Variants in BCAS3 observed in about 807,000 individuals in gnomAD.
The protein encoded by BCAS3 is BCAS3 microtubule associated cell migration factor.
BCAS3 carries 53 observed loss-of-function variants against 116.1 expected under a neutral mutation model. The ratio of observed to expected loss-of-function variants is 0.46; its 90% CI spans 0.37 to 0.57. BCAS3 has a LOEUF of 0.57. Among genes scored for constraint, BCAS3 ranks in the 20% least tolerant of loss-of-function variants. The probability of loss-of-function intolerance (pLI) is 0.00; values close to 1 mark genes in which losing one functional copy is unlikely to be tolerated. For synonymous variants in BCAS3, 391 were observed against 408.2 expected, an observed-to-expected ratio of 0.96 and a Z score of 0.51; for missense variants, 917 against 1,165.4, an observed-to-expected ratio of 0.79 and a Z score of 3.10.
intron 7 of BCAS3, among the ~76,000 whole-genome samples, chr17:60,857,226 G>A (rs1014061039): frequency 6.6e-6 from 1 of 152,112 alleles, no homozygotes; most frequent in African/African-American, 2.4e-5. Context: ...ACAAATTACA[G>A]ATTTTTAAAG....
At chr17:61,049,758 G>A (rs1275091251) in intron 19 of BCAS3, among the ~76,000 whole-genome samples, 2 of 131,996 alleles carry the variant, frequency 1.5e-5, no homozygotes, top group East Asian at 4.2e-4. Flanking sequence ...TTGAGACGGA[G>A]TTTCACTCTT....
rs1350245305 is a variant in BCAS3, at chr17:61,375,608, C to CA, written c.2593+7115dup. Among the ~76,000 whole-genome samples the CA allele has an allele frequency of 2.8e-5, 4 of 145,228 alleles. No individual in the cohort carries two copies. The South Asian group carries it at 8.7e-4, about 32-fold the overall frequency. Reference sequence around the variant, plus strand: ...TTTTTGAGATGGAGTCTCACTCTGTCACCCAGACTAGAGTGCAATGGCACA... The same window carrying CA: ...TTTTTGAGATGGAGTCTCACTCTGTCAACCCAGACTAGAGTGCAATGGCACA... On this transcript the variant is annotated intron_variant, in intron 23 of 23. Coordinates refer to ENST00000407086, the MANE Select transcript of BCAS3 (RefSeq NM_017679.5).
intron 10 of BCAS3, among the ~76,000 whole-genome samples, chr17:60,893,522 A>G (rs1489679108): frequency 2.0e-5 from 3 of 150,646 alleles, no homozygotes; most frequent in Non-Finnish European, 3.0e-5. Context: ...ATTTTTGTCA[A>G]CTTTGTTAAC....
intron 9 of BCAS3, among the ~76,000 whole-genome samples, chr17:60,882,529 T>C (rs1303891798): frequency 6.6e-6 from 1 of 152,222 alleles, no homozygotes; most frequent in Admixed American, 6.5e-5. Flanking sequence ...GCCTATGTCC[T>C]GAATGGTCAT....
intron 6 of BCAS3, among the ~76,000 whole-genome samples, chr17:60,787,702 G>A (rs940143125): frequency 1.3e-5 from 2 of 152,118 alleles, no homozygotes; most frequent in Non-Finnish European, 2.9e-5. Flanking sequence ...AGATACTTTA[G>A]TAAAGACCCA....
Position 60,990,208 on chromosome 17 carries a change from A to C in BCAS3, c.1459A>C (p.Ser487Arg). The stretch of plus-strand genomic sequence containing the variant: ...CTGTAGCCCTGTTCCAGGTCTATCA[A>C]GCAGCCCTTCTGGGTCACCCTTGCA... ...GRCSPVPGLS[S>R]SPSGSPLHGK... Residue 487 changes from serine to arginine, a missense_variant, in exon 15 of 24, where the codon AGC (serine) becomes CGC (arginine). Physicochemically the swap from Ser to Arg is moderately radical, Grantham distance 110. This residue lies in a region of BCAS3 where 807 missense variants were observed against 1,026.0 expected (regional missense o/e 0.79). Transcript: ENST00000407086. The surrounding 1 kb of genome is among the most constrained non-coding windows in gnomAD (Gnocchi z 5.1). 1 of 1,614,162 alleles carries C rather than the reference A, an allele frequency of 6.2e-7. No individual in the cohort carries two copies. The highest frequency in any genetic ancestry group is 1.1e-5 in the South Asian group (1 of 91,080).
intron 7 of BCAS3, chr17:60,811,109 A>G: frequency 1.6e-6 from 1 of 632,132 alleles, no homozygotes; most frequent in Non-Finnish European, 2.9e-6. Context: ...TGCATGAGAA[A>G]TCTGAAGGCC....
At chr17:61,050,547 A>G (rs893782563) in intron 19 of BCAS3, among the ~76,000 whole-genome samples, 65 of 152,106 alleles carry the variant, frequency 4.3e-4, no homozygotes, top group African/African-American at 1.5e-3. Flanking sequence ...AAAGATGTAC[A>G]TAATGAACTC....
chr17:61,272,431 G>A (rs1194371468), intron 22 of BCAS3, among the ~76,000 whole-genome samples: 4 of 151,562 alleles, frequency 2.6e-5, no homozygotes, highest in African/African-American at 7.3e-5. Flanking sequence ...TCAGGAGCTC[G>A]AGACCATCCT....
At position 61,145,022 on chromosome 17, in the gene BCAS3, G is replaced by A. The variant is rs994917422; in HGVS notation, c.2425+60458G>A. 2.0e-5 allele frequency among the ~76,000 whole-genome samples: 3 copies of A among 152,104 alleles called. No individual in the cohort carries two copies. The highest frequency in any genetic ancestry group is 7.2e-5 in the African/African-American group (3 of 41,416). On this transcript the variant is annotated intron_variant, in intron 22 of 23. Transcript: ENST00000407086. The surrounding 1 kb of genome is among the most constrained non-coding windows in gnomAD (Gnocchi z 5.0). ...AATATTCATTTAGACCATAACAACT[G>A]TTAGAACAAGATAACAACTCCAGGC...
rs923033137 is a variant in BCAS3 at position 61,019,699 on chromosome 17, T to G, written c.1637+3798T>G. Among the ~76,000 whole-genome samples the G allele has an allele frequency of 6.6e-6, 1 of 152,174 alleles. No individual in the cohort carries two copies. The highest frequency in any genetic ancestry group is 2.4e-5 in the African/African-American group (1 of 41,456). ...CTATATTTATTTTATTAAATTTTTT[T>G]TACTATGACAAATTCTTAAGACTGG... On this transcript the variant is annotated intron_variant, in intron 16 of 23. Coordinates refer to ENST00000407086, the MANE Select transcript of BCAS3 (RefSeq NM_017679.5). This position sits in a 1 kb window ranked among gnomAD's most constrained non-coding sequence, Gnocchi z 5.6.
intron 6 of BCAS3, among the ~76,000 whole-genome samples, chr17:60,803,692 A>G (rs535815800): frequency 3.3e-5 from 5 of 152,022 alleles, no homozygotes; most frequent in South Asian, 2.1e-4. Context: ...GGGGAAATTT[A>G]TATATTCACA....
chr17:60,944,624 T>G (rs1567930983), intron 13 of BCAS3, among the ~76,000 whole-genome samples: 1 of 152,048 alleles, frequency 6.6e-6, no homozygotes, highest in African/African-American at 2.4e-5. Context: ...AAGAAAATAT[T>G]CAAGAAAATA....
At position 61,330,744 on chromosome 17, in the gene BCAS3, C is replaced by T. The variant is rs374416513; in HGVS notation, c.2426-37583C>T. On this transcript the variant is annotated intron_variant, in intron 22 of 23. Transcript: ENST00000407086. ...GCACAGAGGACTCCGGCAGCAATGG[C>T]CAGGGAATGAGGAGACCCGAGTTCT... Among the ~76,000 whole-genome samples, 3 of 152,192 alleles carry T rather than the reference C, an allele frequency of 2.0e-5. No homozygotes were observed. In the East Asian group the frequency reaches 5.8e-4, roughly 29 times the overall value.
chr17:61,269,280 A>G (rs1239292389), intron 22 of BCAS3, among the ~76,000 whole-genome samples: 1 of 151,660 alleles, frequency 6.6e-6, no homozygotes, highest in Non-Finnish European at 1.5e-5. Context: ...ACACCTGGCT[A>G]ATTTTGTGTT....
intron 6 of BCAS3, among the ~76,000 whole-genome samples, chr17:60,796,147 A>G (rs2047197688): frequency 6.6e-6 from 1 of 152,082 alleles, no homozygotes; most frequent in Admixed American, 6.6e-5. Context: ...TTTGTTAAGG[A>G]TTTTAGCATC....
chr17:60,807,392 G>A (rs1040547038), intron 6 of BCAS3, among the ~76,000 whole-genome samples: 7 of 152,182 alleles, frequency 4.6e-5, no homozygotes, highest in African/African-American at 1.7e-4. Context: ...ATTATTACTA[G>A]TTTTAGGTAA....
intron 19 of BCAS3, 92 bp downstream of exon 19, chr17:61,040,984 C>T: frequency 1.9e-6 from 2 of 1,034,674 alleles, no homozygotes; most frequent in Non-Finnish European, 3.0e-6. Flanking sequence ...TACCACTGGT[C>T]CATAGGCCAT....
At chr17:61,298,108 G>T (rs1253146394) in intron 22 of BCAS3, among the ~76,000 whole-genome samples, 5 of 152,068 alleles carry the variant, frequency 3.3e-5, no homozygotes, top group Non-Finnish European at 7.4e-5. Flanking sequence ...GTCACTTTCA[G>T]CATGATCCTT....
Sources: allele counts gnomAD v4.1 joint callset (sites outside exome capture counted in the v4.1 genomes callset), GRCh38; gene constraint gnomAD v4.1.1; regional missense constraint gnomAD v4.1.1; non-coding constraint Gnocchi (gnomAD v3.1); transcripts MANE v1.5; gene names NCBI Gene and HGNC (gene_info 2026-07-23, HGNC 2026-07-21).